SGK3: variants seen among roughly 807,000 people sequenced by gnomAD.
SGK3 encodes the protein serum/glucocorticoid regulated kinase family member 3.
SGK3 carries 47 observed loss-of-function variants against 68.5 expected under a neutral mutation model. That is an observed-to-expected ratio of 0.69 (90% CI 0.54 to 0.87). The LOEUF is 0.87. Ranked by LOEUF, SGK3 falls within the 40% of genes least tolerant of loss-of-function variation. The pLI is 0.00. For missense variants in SGK3, 479 were observed against 575.5 expected (o/e 0.83, Z 1.72); for synonymous variants, 181 against 189.1 (o/e 0.96, Z 0.35).
At chr8:66,805,124 G>A (rs1376992532) in intron 4 of SGK3, among the ~76,000 whole-genome samples, 2 of 152,014 alleles carry the variant, frequency 1.3e-5, no homozygotes, top group African/African-American at 2.4e-5. Context: ...AAACTTTACA[G>A]ACTTTAAATC....
At chr8:66,807,819 TAC>T (rs1394332487) in intron 4 of SGK3, among the ~76,000 whole-genome samples, 3 of 152,206 alleles carry the variant, frequency 2.0e-5, no homozygotes, top group Non-Finnish European at 4.4e-5. Flanking sequence ...TGATATAATG[TAC>T]ACACAAGACT....
intron 6 of SGK3, among the ~76,000 whole-genome samples, chr8:66,823,537 A>G (rs1223388449): frequency 6.6e-6 from 1 of 152,054 alleles, no homozygotes; most frequent in East Asian, 1.9e-4. Flanking sequence ...AGCTGGGGCT[A>G]CAGGTGCCTG....
chr8:66,764,059 T>G (rs762629252), intron 1 of SGK3, among the ~76,000 whole-genome samples: 4 of 152,028 alleles, frequency 2.6e-5, no homozygotes, highest in Non-Finnish European at 5.9e-5. Context: ...GACAGGATTT[T>G]ACTGTGTTGC....
intron 4 of SGK3, among the ~76,000 whole-genome samples, chr8:66,811,921 G>A (rs539513499): frequency 1.3e-5 from 2 of 152,252 alleles, no homozygotes; most frequent in Admixed American, 1.3e-4. Context: ...AAATGTCCTT[G>A]GAAGAGTTTA....
intron 1 of SGK3, among the ~76,000 whole-genome samples, chr8:66,722,313 C>A (rs1804817182): frequency 6.6e-6 from 1 of 152,208 alleles, no homozygotes; most frequent in Non-Finnish European, 1.5e-5. Context: ...GATGAAGTCT[C>A]ACTCTGTCAC....
chr8:66,826,014 C>T (rs1243082985), intron 6 of SGK3, among the ~76,000 whole-genome samples: 1 of 151,950 alleles, frequency 6.6e-6, no homozygotes, highest in African/African-American at 2.4e-5. Flanking sequence ...TCTCTGTTGC[C>T]CATGCTGGAA....
chr8:66,806,800 C>T (rs1296162495), intron 4 of SGK3, among the ~76,000 whole-genome samples: 10 of 125,612 alleles, frequency 8.0e-5, no homozygotes, highest in Non-Finnish European at 1.4e-4. Flanking sequence ...GGCAACAGAG[C>T]AAGACTCTGT....
intron 1 of SGK3, among the ~76,000 whole-genome samples, chr8:66,746,432 T>C (rs778526044): frequency 2.2e-4 from 33 of 152,290 alleles, no homozygotes; most frequent in Non-Finnish European, 1.0e-4. Flanking sequence ...TGGAGAGAGC[T>C]GGGCATGGTA....
intron 1 of SGK3, among the ~76,000 whole-genome samples, chr8:66,753,553 G>A (rs1020532301): frequency 1.3e-5 from 2 of 152,246 alleles, no homozygotes; most frequent in South Asian, 2.1e-4. Flanking sequence ...GGCCAGGCAC[G>A]GTGGCTCACA....
chr8:66,752,878 T>C (rs1028021571), intron 1 of SGK3, among the ~76,000 whole-genome samples: 1 of 152,060 alleles, frequency 6.6e-6, no homozygotes, highest in Non-Finnish European at 1.5e-5. Flanking sequence ...AGACAGGGTC[T>C]CACTCTGTTG....
intron 1 of SGK3, among the ~76,000 whole-genome samples, chr8:66,782,072 G>A (rs1167952696): frequency 6.6e-6 from 1 of 152,162 alleles, no homozygotes; most frequent in African/African-American, 2.4e-5. Flanking sequence ...AAACATTTGG[G>A]ATGTATTTGG....
chr8:66,716,867 T>C (rs967423048), intron 1 of SGK3, among the ~76,000 whole-genome samples: 1 of 152,138 alleles, frequency 6.6e-6, no homozygotes, highest in Non-Finnish European at 1.5e-5. Context: ...TAGGTAGCTT[T>C]CTTCAAGCCA....
chr8:66,807,107 G>A (rs1476687504), intron 4 of SGK3, among the ~76,000 whole-genome samples: 2 of 152,082 alleles, frequency 1.3e-5, no homozygotes, highest in African/African-American at 4.8e-5. Flanking sequence ...GGTAGAAATA[G>A]GGTTTAAAAA....
chr8:66,833,449 C>G (rs1201442563), intron 8 of SGK3, among the ~76,000 whole-genome samples: 1 of 152,162 alleles, frequency 6.6e-6, no homozygotes, highest in Non-Finnish European at 1.5e-5. Flanking sequence ...ATTAAGTCCT[C>G]CCTTCTTCTT....
intron 1 of SGK3, among the ~76,000 whole-genome samples, chr8:66,723,586 G>A (rs2130345228): frequency 6.6e-6 from 1 of 152,246 alleles, no homozygotes; most frequent in African/African-American, 2.4e-5. Context: ...TGGGAATACA[G>A]GCATGTACCA....
Position 66,768,928 on chromosome 8 carries a change from A to G in SGK3, c.-121-24688A>G, listed in dbSNP as rs118029071. ...GACATTTTTACCTTTGTTCCTCCAT[A>G]TATAACATGTCTTTTCTTCTGGCTG... On this transcript the variant is annotated intron_variant, in intron 1 of 16. Transcript: ENST00000521198. 7.4e-4 allele frequency among the ~76,000 whole-genome samples: 112 copies of G among 152,234 alleles called. 1 individual carries two copies. The East Asian group carries it at 0.02, about 28-fold the overall frequency.
At chr8:66,758,548 A>G (rs540034138) in intron 1 of SGK3, among the ~76,000 whole-genome samples, 9 of 152,210 alleles carry the variant, frequency 5.9e-5, no homozygotes, top group African/African-American at 2.2e-4. Flanking sequence ...CTCTATATCT[A>G]TATATAGATA....
At chr8:66,769,919 C>G (rs1254738505) in intron 1 of SGK3, among the ~76,000 whole-genome samples, 1 of 151,450 alleles carries the variant, frequency 6.6e-6, no homozygotes, top group East Asian at 2.0e-4. Context: ...CTAATTCTAA[C>G]ATCTATGTCA....
chr8:66,798,480 A>T, intron 2 of SGK3, 62 bp from the exon 3 acceptor site: 5 of 1,447,518 alleles, frequency 3.5e-6, no homozygotes, highest in Non-Finnish European at 4.7e-6. Context: ...CATGTATTTA[A>T]GTAGCTAATG....
Sources: gnomAD v4.1 joint callset for allele counts (sites outside exome capture counted in the v4.1 genomes callset) on GRCh38, gnomAD v4.1.1 for gene constraint, MANE v1.5 for transcripts, NCBI Gene and HGNC (gene_info 2026-07-23, HGNC 2026-07-21) for gene names.